Variants in ARHGAP8 observed in about 807,000 individuals in gnomAD.
ARHGAP8 encodes the protein rho GTPase-activating protein 8.
A neutral mutation model predicts 46.1 loss-of-function variants in ARHGAP8; 62 were observed. That is an observed-to-expected ratio of 1.34 (90% CI 1.10 to 1.66). ARHGAP8 has a LOEUF of 1.66. ARHGAP8 is among the 40% of genes most tolerant of loss of function. ARHGAP8 has a pLI of 0.00. For synonymous variants in ARHGAP8, 375 were observed against 243.1 expected (o/e 1.54, Z -5.05); for missense variants, 923 against 568.4 (o/e 1.62, Z -6.34).
intron 7 of ARHGAP8, among the ~76,000 whole-genome samples, chr22:44,836,245 C>A (rs1201943245): frequency 6.7e-6 from 1 of 149,842 alleles, no homozygotes; most frequent in South Asian, 2.1e-4. Context: ...TTCTTTCTTT[C>A]TTTTGAGACA....
intron 1 of ARHGAP8, 116 bp from the exon 2 acceptor site, chr22:44,786,341 G>GC (rs1286529022): frequency 3.0e-6 from 4 of 1,354,916 alleles, no homozygotes; most frequent in East Asian, 5.0e-5. Context: ...GAGGTAGGGC[G>GC]CGTAGTGGGT....
At chr22:44,801,102 C>T (rs189817175) in intron 2 of ARHGAP8, among the ~76,000 whole-genome samples, 21 of 38,480 alleles carry the variant, frequency 5.5e-4, no homozygotes, top group South Asian at 1.6e-3. Flanking sequence ...CGCAGCTGTC[C>T]ATGTGTGGGG....
chr22:44,830,174 C>A (rs1394611252), intron 7 of ARHGAP8, among the ~76,000 whole-genome samples: 1 of 151,584 alleles, frequency 6.6e-6, no homozygotes, highest in Non-Finnish European at 1.5e-5. Flanking sequence ...CAGGTGCACG[C>A]TACCAAGTCC....
rs11183 is a variant in ARHGAP8, at chr22:44,862,601, C to G, written c.*6C>G. On this transcript the variant is annotated 3_prime_UTR_variant, in exon 12 of 12. Coordinates refer to ENST00000356099, the MANE Select transcript of ARHGAP8 (RefSeq NM_181335.3). ...CAGCCAGAAGACGTCTCTAGTGTTG[C>G]GAACACTCTGTATATTTCGAGCTAC... is the stretch of plus-strand genomic sequence containing the variant. The G allele has an allele frequency of 3.2e-6, 5 of 1,555,882 alleles. No individual in the cohort carries two copies. The highest frequency in any genetic ancestry group is 2.8e-5 in the African/African-American group (2 of 72,136).
rs1264328406 is a variant in ARHGAP8, at chr22:44,849,013, A to C, written c.830A>C (p.Gln277Pro). ...ILKTFLRELPQPLLTFQAYEQ... is the reference protein window; with the variant it reads ...ILKTFLRELPPPLLTFQAYEQ... ...AAGACCTTCCTGCGAGAGCTGCCCCAGCCGCTTCTGACCTTCCAGGCCTAC... is the reference window on the plus strand; with the variant it reads ...AAGACCTTCCTGCGAGAGCTGCCCCCGCCGCTTCTGACCTTCCAGGCCTAC... Residue 277 changes from glutamine (Q) to proline (P), a missense_variant, in exon 10 of 12, where the codon CAG (glutamine) becomes CCG (proline). Gln to Pro is a moderately conservative substitution (Grantham distance 76, BLOSUM62 -1). Coordinates refer to ENST00000356099, the MANE Select transcript of ARHGAP8 (RefSeq NM_181335.3). 5.6e-6 allele frequency: 9 copies of C among 1,613,902 alleles called. No homozygotes were observed. The highest frequency in any genetic ancestry group is 7.6e-6 in the Non-Finnish European group (9 of 1,179,938).
chr22:44,805,505 C>A (rs758958110), intron 3 of ARHGAP8, among the ~76,000 whole-genome samples: 5 of 152,216 alleles, frequency 3.3e-5, no homozygotes, highest in Non-Finnish European at 1.5e-5. Flanking sequence ...AAATTGGTAC[C>A]TTGTGCTCTT....
Position 44,772,223 on chromosome 22 carries a change from C to CTT in ARHGAP8, c.-71-14205_-71-14204dup, listed in dbSNP as rs71188484. Among the ~76,000 whole-genome samples the CTT allele has an allele frequency of 3.0e-4, 5 of 16,402 alleles. 2 individuals are homozygous for CTT. Among genetic ancestry groups the CTT allele is most frequent in the Non-Finnish European group, 4.9e-4 (3 of 6,088 alleles). 10.8% of individuals were successfully genotyped at this position (16,402 alleles called of 152,430 possible). On this transcript the variant is annotated intron_variant, in intron 1 of 11. Coordinates refer to ENST00000356099, the MANE Select transcript of ARHGAP8 (RefSeq NM_181335.3). Reference sequence around the variant, plus strand: ...TGTTTCTGTTTTACTACTGTTTTGCCTTTTTTTTTTTTTTTTTTTTTTTTT... The same window carrying CTT: ...TGTTTCTGTTTTACTACTGTTTTGCCTTTTTTTTTTTTTTTTTTTTTTTTTTT...
At chr22:44,795,441 A>G (rs1928012025) in intron 2 of ARHGAP8, among the ~76,000 whole-genome samples, 1 of 151,948 alleles carries the variant, frequency 6.6e-6, no homozygotes, top group African/African-American at 2.4e-5. Flanking sequence ...GGAATTCATC[A>G]TTACCTGCTT....
At chr22:44,848,865 G>A (rs1601518283) in intron 9 of ARHGAP8, 67 bp from the exon 10 acceptor site, 1 of 1,600,482 alleles carries the variant, frequency 6.2e-7, no homozygotes, top group East Asian at 2.2e-5. Flanking sequence ...GTGTCTCAGA[G>A]CTCGTTCTGC....
At chr22:44,801,745 C>A in intron 2 of ARHGAP8, 1 of 295,644 alleles carries the variant, frequency 3.4e-6, no homozygotes, top group Non-Finnish European at 6.3e-6. Flanking sequence ...CTACACCCTG[C>A]CTTTGAAGTC....
intron 6 of ARHGAP8, among the ~76,000 whole-genome samples, chr22:44,824,289 T>C (rs1930353267): frequency 6.6e-6 from 1 of 152,192 alleles, no homozygotes; most frequent in African/African-American, 2.4e-5. Flanking sequence ...GAGACATCTC[T>C]GGGGAGCCAC....
At chr22:44,785,058 G>A (rs1927115816) in intron 1 of ARHGAP8, among the ~76,000 whole-genome samples, 1 of 152,166 alleles carries the variant, frequency 6.6e-6, no homozygotes, top group Non-Finnish European at 1.5e-5. Context: ...GCAGGGAGGT[G>A]TGGGAAGCAG....
intron 1 of ARHGAP8, among the ~76,000 whole-genome samples, chr22:44,774,678 A>C (rs1317374408): frequency 6.6e-6 from 1 of 151,874 alleles, no homozygotes; most frequent in Non-Finnish European, 1.5e-5. Flanking sequence ...ACCCGCCACC[A>C]CACCTGGCTA....
chr22:44,823,844 G>T (rs945759430), intron 6 of ARHGAP8, among the ~76,000 whole-genome samples: 2 of 152,132 alleles, frequency 1.3e-5, no homozygotes, highest in African/African-American at 4.8e-5. Flanking sequence ...TCTGGAATGT[G>T]CAGGTGGCTG....
In ARHGAP8 at chr22:44,859,636, C is replaced by A. The variant is rs1401162163; in HGVS notation, c.878-95C>A. 6 of 1,344,130 alleles carry A rather than the reference C, an allele frequency of 4.5e-6. No homozygotes were observed. The African/African-American group carries it at 7.3e-5, about 16-fold the overall frequency. The allele number at this position is 1,344,130 out of a possible 1,614,324, so 83.3% of individuals were successfully genotyped here. A position where few individuals can be genotyped will look rare whatever the true frequency, so the allele number is the denominator to read the frequency against. On this transcript the variant is annotated intron_variant, in intron 10 of 11. Coordinates refer to ENST00000356099, the MANE Select transcript of ARHGAP8 (RefSeq NM_181335.3). ...AATGTGGGATAGTCCATCCTCAGAG[C>A]TGTCCTTCCTACACCCCTGTTCTCC...
chr22:44,830,014 T>TC (rs767376314), intron 7 of ARHGAP8, among the ~76,000 whole-genome samples: 2,719 of 132,044 alleles, frequency 0.021, 42 homozygotes, highest in Middle Eastern at 0.052. Flanking sequence ...TTCTTTTTTT[T>TC]CCTCTCTCTC....
At chr22:44,853,840 C>T (rs979587849) in intron 10 of ARHGAP8, among the ~76,000 whole-genome samples, 1 of 151,700 alleles carries the variant, frequency 6.6e-6, no homozygotes, top group African/African-American at 2.4e-5. Flanking sequence ...CCAGTCTGAC[C>T]AACATGGAGA....
chr22:44,855,273 A>T (rs753322872), intron 10 of ARHGAP8, among the ~76,000 whole-genome samples: 1 of 152,116 alleles, frequency 6.6e-6, no homozygotes, highest in Admixed American at 6.5e-5. Flanking sequence ...GGCTCAAGCA[A>T]TCCTCCCACC....
chr22:44,806,531 G>A (rs562765992), intron 3 of ARHGAP8, among the ~76,000 whole-genome samples: 44 of 152,286 alleles, frequency 2.9e-4, no homozygotes, highest in African/African-American at 9.1e-4. Flanking sequence ...GTGAGTCTCA[G>A]TTGACTTGTC....
Sources: gnomAD v4.1 joint callset for allele counts (sites outside exome capture counted in the v4.1 genomes callset) on GRCh38, gnomAD v4.1.1 for gene constraint, MANE v1.5 for transcripts, NCBI Gene and HGNC (gene_info 2026-07-23, HGNC 2026-07-21) for gene names.